Variants in METTL15 observed in about 807,000 individuals in gnomAD.
The protein encoded by METTL15 is 12S rRNA N(4)-cytidine methyltransferase METTL15.
METTL15 carries 34 observed loss-of-function variants against 38.3 expected under a neutral mutation model. That is an observed-to-expected ratio of 0.89 (90% CI 0.68 to 1.18). METTL15 has a LOEUF of 1.18. METTL15 is among the 50% of genes most tolerant of loss of function. The pLI is 0.00. For missense variants in METTL15, 438 were observed against 498.4 expected, an observed-to-expected ratio of 0.88 and a Z score of 1.15; for synonymous variants, 162 against 170.9, an observed-to-expected ratio of 0.95 and a Z score of 0.41.
chr11:28,143,988 A>G (rs1395319559), intron 3 of METTL15, among the ~76,000 whole-genome samples: 1 of 152,188 alleles, frequency 6.6e-6, no homozygotes. Flanking sequence ...GTTCTGCTCC[A>G]GCAGGCACTG....
intron 6 of METTL15, chr11:28,517,273 A>G (rs1851727273): frequency 6.6e-6 from 1 of 152,246 alleles, no homozygotes; most frequent in East Asian, 1.9e-4. Flanking sequence ...AGGAGAGGGA[A>G]TCACTCCAAG....
At position 28,113,304 on chromosome 11, in the gene METTL15, A is replaced by AT. The variant is rs746529689; in HGVS notation, c.-17-5dup. On this transcript the variant is annotated splice_polypyrimidine_tract_variant and intron_variant, in intron 2 of 6. Coordinates refer to ENST00000407364, the MANE Select transcript of METTL15 (RefSeq NM_001113528.2). ...AAAAAAATCCAACAATCATATTTTAATTTTTTTTTCTAGATTTGTTTACCT... is the reference window on the plus strand; with the variant it reads ...AAAAAAATCCAACAATCATATTTTAATTTTTTTTTTCTAGATTTGTTTACCT... 827 of 1,462,918 alleles carry AT rather than the reference A, an allele frequency of 5.7e-4. No homozygotes were observed. Among genetic ancestry groups the AT allele is most frequent in the Non-Finnish European group, 6.5e-4 (706 of 1,079,412 alleles). 90.6% of individuals were successfully genotyped at this position (1,462,918 alleles called of 1,614,324 possible). A position where few individuals can be genotyped will look rare whatever the true frequency, so the allele number is the denominator to read the frequency against.
intron 5 of METTL15, among the ~76,000 whole-genome samples, chr11:28,392,299 A>T (rs1011480498): frequency 6.6e-6 from 1 of 152,218 alleles, no homozygotes; most frequent in East Asian, 1.9e-4. Context: ...TATGAGAAAG[A>T]AAAAGCTGGA....
At chr11:28,129,871 A>T (rs986585434) in intron 3 of METTL15, among the ~76,000 whole-genome samples, 15 of 152,254 alleles carry the variant, frequency 9.9e-5, no homozygotes, top group African/African-American at 3.1e-4. Context: ...TGCCCAGAAG[A>T]TTTATCTTAT....
Position 28,277,900 on chromosome 11 carries a change from C to T in METTL15, c.408-12306C>T, listed in dbSNP as rs189065534. Among the ~76,000 whole-genome samples the T allele has an allele frequency of 1.3e-4, 20 of 151,954 alleles. 1 individual carries two copies. The highest frequency in any genetic ancestry group is 8.5e-4 in the Admixed American group (13 of 15,244). On this transcript the variant is annotated intron_variant, in intron 4 of 6. Coordinates refer to ENST00000407364, the MANE Select transcript of METTL15 (RefSeq NM_001113528.2). ...TAACAGAGACTAGGAAAGGTGACTG[C>T]GTTGGGGAGGAGAGAGGATGAAGAG...
At chr11:28,148,910 A>G (rs1182922980) in intron 3 of METTL15, among the ~76,000 whole-genome samples, 2 of 151,932 alleles carry the variant, frequency 1.3e-5, no homozygotes, top group South Asian at 2.1e-4. Flanking sequence ...GATCTCAGTG[A>G]GGAAAAACCC....
intron 3 of METTL15, among the ~76,000 whole-genome samples, chr11:28,178,061 A>G (rs1851141647): frequency 6.6e-6 from 1 of 151,902 alleles, no homozygotes; most frequent in Admixed American, 6.6e-5. Context: ...TTTACTTTCC[A>G]TAGAGGTTAG....
intron 3 of METTL15, among the ~76,000 whole-genome samples, chr11:28,187,707 A>G (rs545096912): frequency 6.6e-6 from 1 of 151,162 alleles, no homozygotes; most frequent in South Asian, 2.1e-4. Context: ...ACAAGGTATG[A>G]AAAAGAAGCA....
At chr11:28,212,861 A>T (rs1415359850) in intron 4 of METTL15, among the ~76,000 whole-genome samples, 1 of 152,216 alleles carries the variant, frequency 6.6e-6, no homozygotes, top group South Asian at 2.1e-4. Flanking sequence ...TCTTAAGGCA[A>T]TGATTCCCAA....
downstream of METTL15, among the ~76,000 whole-genome samples, chr11:28,338,076 T>C (rs574108824): frequency 4.4e-4 from 62 of 141,156 alleles, no homozygotes; most frequent in East Asian, 8.1e-3. Context: ...TCTTTGCTTC[T>C]TTTTTTTTTT....
intron 3 of METTL15, among the ~76,000 whole-genome samples, chr11:28,341,253 G>A (rs1156904064): frequency 5.9e-5 from 9 of 152,058 alleles, no homozygotes; most frequent in Admixed American, 5.9e-4. Flanking sequence ...AAACCACCAT[G>A]GCACGTGTAT....
chr11:28,517,659 A>G (rs1028967896), intron 6 of METTL15, among the ~76,000 whole-genome samples: 1 of 152,216 alleles, frequency 6.6e-6, no homozygotes, highest in Non-Finnish European at 1.5e-5. Context: ...CCTTATTTCT[A>G]TATTTCACTC....
chr11:28,430,597 T>G (rs1208076805), intron 6 of METTL15, among the ~76,000 whole-genome samples: 9 of 24,284 alleles, frequency 3.7e-4, no homozygotes, highest in Non-Finnish European at 6.7e-4. Flanking sequence ...GGGAGGGAGG[T>G]GGGGGGGTCA....
At chr11:28,216,560 A>G (rs996048677) in intron 4 of METTL15, among the ~76,000 whole-genome samples, 1 of 151,860 alleles carries the variant, frequency 6.6e-6, no homozygotes, top group Non-Finnish European at 1.5e-5. Context: ...TAGTAGTGAG[A>G]AACTTCTTTT....
intron 5 of METTL15, among the ~76,000 whole-genome samples, chr11:28,411,849 A>C (rs1441117950): frequency 6.6e-5 from 10 of 152,094 alleles, no homozygotes; most frequent in African/African-American, 1.9e-4. Flanking sequence ...TTATCTGATG[A>C]GGGGTTAATA....
At chr11:28,448,788 C>G (rs1851095729) in intron 6 of METTL15, among the ~76,000 whole-genome samples, 1 of 152,118 alleles carries the variant, frequency 6.6e-6, no homozygotes, top group Non-Finnish European at 1.5e-5. Flanking sequence ...TTCCCCCACC[C>G]CACCACCACC....
chr11:28,455,317 C>T (rs1173315764), intron 6 of METTL15, among the ~76,000 whole-genome samples: 1 of 146,800 alleles, frequency 6.8e-6, no homozygotes, highest in Non-Finnish European at 1.5e-5. Context: ...GCCACTTCAT[C>T]CCAACAATAT....
At chr11:28,298,826 A>T (rs1856823305) in intron 6 of METTL15, among the ~76,000 whole-genome samples, 1 of 152,084 alleles carries the variant, frequency 6.6e-6, no homozygotes, top group Non-Finnish European at 1.5e-5. Context: ...TGATAATATG[A>T]ATTTTTAGAA....
At chr11:28,230,501 A>G (rs1853643537) in intron 4 of METTL15, among the ~76,000 whole-genome samples, 2 of 152,008 alleles carry the variant, frequency 1.3e-5, no homozygotes, top group African/African-American at 4.8e-5. Context: ...GTTCAGTACA[A>G]GAATGACTAT....
Sources: gnomAD v4.1 joint callset for allele counts (sites outside exome capture counted in the v4.1 genomes callset) on GRCh38, gnomAD v4.1.1 for gene constraint, MANE v1.5 for transcripts, NCBI Gene and HGNC (gene_info 2026-07-23, HGNC 2026-07-21) for gene names.